ADGRB3: variants seen among roughly 807,000 people sequenced by gnomAD.
ADGRB3 encodes the protein brain-specific angiogenesis inhibitor 3.
Under a neutral mutation model 193.4 loss-of-function variants are expected in ADGRB3, and 37 were observed. The observed-to-expected ratio is 0.19, with a 90% confidence interval of 0.15 to 0.25. The LOEUF (loss-of-function observed/expected upper bound fraction) is 0.25. Among genes scored for constraint, ADGRB3 ranks in the 10% least tolerant of loss-of-function variants. The pLI, the probability that ADGRB3 is intolerant of heterozygous loss-of-function variation, is 1.00. For synonymous variants in ADGRB3, 690 were observed against 644.2 expected (o/e 1.07, Z -1.08); for missense variants, 1,637 against 1,852.9 (o/e 0.88, Z 2.14).
chr6:69,326,892 T>C lies in ADGRB3; in HGVS notation c.2966-928T>C, dbSNP rs116899820. The stretch of plus-strand genomic sequence containing the variant: ...ATATATTTATAATTTTATATACATA[T>C]ATGTATAGTCACCAGTGTTTGTTTA... On this transcript the variant is annotated intron_variant, in intron 21 of 31. Coordinates refer to ENST00000370598, the MANE Select transcript of ADGRB3 (RefSeq NM_001704.3). Among the ~76,000 whole-genome samples, 217 of 152,144 alleles carry C rather than the reference T, an allele frequency of 1.4e-3. 1 individual carries two copies. Among genetic ancestry groups the C allele is most frequent in the Non-Finnish European group, 2.6e-3 (178 of 67,972 alleles).
intron 20 of ADGRB3, among the ~76,000 whole-genome samples, chr6:69,271,810 A>AT (rs1474207859): frequency 2.6e-5 from 4 of 152,120 alleles, no homozygotes; most frequent in Non-Finnish European, 4.4e-5. Context: ...GTTTATTCAG[A>AT]TTTTTTGTTT....
At chr6:68,677,667 A>G (rs757223475) in intron 3 of ADGRB3, among the ~76,000 whole-genome samples, 17 of 151,466 alleles carry the variant, frequency 1.1e-4, no homozygotes, top group Non-Finnish European at 2.2e-4. Flanking sequence ...ACAGACGCGC[A>G]CCAACACACT....
chr6:69,349,159 G>A (rs1769170339), intron 26 of ADGRB3, among the ~76,000 whole-genome samples: 2 of 152,236 alleles, frequency 1.3e-5, no homozygotes, highest in Non-Finnish European at 2.9e-5. Flanking sequence ...TATCACCTGA[G>A]AAGGCATGGG....
intron 3 of ADGRB3, among the ~76,000 whole-genome samples, chr6:68,650,359 A>C: frequency 6.6e-6 from 1 of 151,964 alleles, no homozygotes; most frequent in East Asian, 1.9e-4. Context: ...ATTGCATCAC[A>C]ATTTTTAAAA....
At chr6:69,000,280 T>C (rs1769531278) in intron 11 of ADGRB3, among the ~76,000 whole-genome samples, 1 of 152,214 alleles carries the variant, frequency 6.6e-6, no homozygotes, top group South Asian at 2.1e-4. Flanking sequence ...AATTAACAAA[T>C]ACTGAACCAT....
intron 3 of ADGRB3, among the ~76,000 whole-genome samples, chr6:68,680,105 AG>A (rs1764860393): frequency 6.6e-6 from 1 of 152,156 alleles, no homozygotes; most frequent in South Asian, 2.1e-4. Context: ...TTCTTGCCAA[AG>A]AAAGGATCTA....
At chr6:69,295,315 G>T (rs569839035) in intron 20 of ADGRB3, among the ~76,000 whole-genome samples, 1 of 152,128 alleles carries the variant, frequency 6.6e-6, no homozygotes, top group African/African-American at 2.4e-5. Flanking sequence ...TTGAAAAACC[G>T]ATTCAAGCCT....
intron 17 of ADGRB3, among the ~76,000 whole-genome samples, chr6:69,196,718 G>A (rs1385495662): frequency 1.3e-5 from 2 of 152,120 alleles, no homozygotes; most frequent in African/African-American, 4.8e-5. Flanking sequence ...TTCAATGTAT[G>A]AATTTTAGGA....
intron 3 of ADGRB3, among the ~76,000 whole-genome samples, chr6:68,895,744 A>T (rs2150230812): frequency 6.6e-6 from 1 of 152,120 alleles, no homozygotes; most frequent in Admixed American, 6.6e-5. Context: ...GCAGATCAAT[A>T]AATGCCTAGG....
At chr6:69,009,470 G>C (rs1162231512) in intron 11 of ADGRB3, among the ~76,000 whole-genome samples, 1 of 152,056 alleles carries the variant, frequency 6.6e-6, no homozygotes, top group Non-Finnish European at 1.5e-5. Flanking sequence ...AAAGAGTGTG[G>C]GATGCATGAA....
intron 3 of ADGRB3, among the ~76,000 whole-genome samples, chr6:68,876,700 C>G (rs1765604248): frequency 1.3e-5 from 2 of 152,084 alleles, no homozygotes; most frequent in East Asian, 3.9e-4. Flanking sequence ...CCAAAAGCAA[C>G]ATTTCAATTC....
intron 3 of ADGRB3, among the ~76,000 whole-genome samples, chr6:68,718,869 G>A (rs1238597218): frequency 2.0e-5 from 3 of 151,722 alleles, no homozygotes; most frequent in South Asian, 2.1e-4. Flanking sequence ...ACACAGCCAC[G>A]TCTATTTGAT....
intron 28 of ADGRB3, among the ~76,000 whole-genome samples, chr6:69,356,931 G>A (rs1769349121): frequency 6.6e-6 from 1 of 152,092 alleles, no homozygotes; most frequent in Non-Finnish European, 1.5e-5. Context: ...TGTAGGAACA[G>A]AATATGCCTC....
At chr6:69,027,673 G>A (rs949035993) in intron 13 of ADGRB3, among the ~76,000 whole-genome samples, 1 of 152,290 alleles carries the variant, frequency 6.6e-6, no homozygotes, top group South Asian at 2.1e-4. Flanking sequence ...GCGCTTGAGT[G>A]AAAACAGGAA....
chr6:69,083,630 C>T (rs1210015177), intron 17 of ADGRB3, among the ~76,000 whole-genome samples: 3 of 152,162 alleles, frequency 2.0e-5, no homozygotes, highest in East Asian at 1.9e-4. Context: ...ATTCAATTGA[C>T]TTTTTCATAT....
intron 3 of ADGRB3, among the ~76,000 whole-genome samples, chr6:68,914,297 G>A (rs1479823069): frequency 2.0e-5 from 3 of 151,974 alleles, no homozygotes; most frequent in Non-Finnish European, 4.4e-5. Context: ...CAGAGAGAAA[G>A]GTCGGGTTAC....
At chr6:69,129,652 C>A (rs2150333530) in intron 17 of ADGRB3, among the ~76,000 whole-genome samples, 1 of 152,174 alleles carries the variant, frequency 6.6e-6, no homozygotes, top group African/African-American at 2.4e-5. Flanking sequence ...TATTGCTTCC[C>A]AGGTTACACA....
At chr6:68,690,555 T>C (rs549174564) in intron 3 of ADGRB3, among the ~76,000 whole-genome samples, 1 of 152,238 alleles carries the variant, frequency 6.6e-6, no homozygotes, top group Admixed American at 6.6e-5. Flanking sequence ...TAGTTTGCAT[T>C]TCTTGCCCCT....
intron 3 of ADGRB3, among the ~76,000 whole-genome samples, chr6:68,854,494 T>TA (rs1024843525): frequency 5.3e-5 from 8 of 152,170 alleles, no homozygotes; most frequent in Admixed American, 3.9e-4. Flanking sequence ...TAATACACAA[T>TA]AAATAGATGC....
Sources: gnomAD v4.1 joint callset for allele counts (sites outside exome capture counted in the v4.1 genomes callset) on GRCh38, gnomAD v4.1.1 for gene constraint, MANE v1.5 for transcripts, NCBI Gene and HGNC (gene_info 2026-07-23, HGNC 2026-07-21) for gene names.